The following DROSHA variants were observed in gnomAD, a reference collection of about 807,000 sequenced individuals.
DROSHA encodes the protein ribonuclease 3.
Under a neutral mutation model 181.9 loss-of-function variants are expected in DROSHA, and 56 were observed. That is an observed-to-expected ratio of 0.31 (90% CI 0.25 to 0.38). The LOEUF is 0.38. DROSHA is among the 10% of genes least tolerant of loss of function. DROSHA has a pLI of 1.00. For synonymous variants in DROSHA, 524 were observed against 591.2 expected (o/e 0.89, Z 1.65); for missense variants, 1,218 against 1,743.5 (o/e 0.70, Z 5.37).
At chr5:31,489,704 C>A (rs986922731) in intron 13 of DROSHA, among the ~76,000 whole-genome samples, 2 of 152,184 alleles carry the variant, frequency 1.3e-5, no homozygotes, top group Non-Finnish European at 2.9e-5. Context: ...ACTCTCCAAA[C>A]CTCCATCTTC....
At chr5:31,471,387 T>C (rs1027281371) in intron 17 of DROSHA, among the ~76,000 whole-genome samples, 1 of 152,116 alleles carries the variant, frequency 6.6e-6, no homozygotes, top group Non-Finnish European at 1.5e-5. Flanking sequence ...AACACTAATT[T>C]AGAAGAAAAA....
At chr5:31,507,163 TA>T (rs1258663547) in intron 10 of DROSHA, among the ~76,000 whole-genome samples, 1 of 151,094 alleles carries the variant, frequency 6.6e-6, no homozygotes, top group Middle Eastern at 3.2e-3. Context: ...AATAATTTTT[TA>T]AAACTACCTA....
In DROSHA at chr5:31,464,299, T is replaced by C; in HGVS notation, c.2511A>G (p.Glu837=). 1 of 1,613,500 alleles carries C rather than the reference T, an allele frequency of 6.2e-7. No homozygotes were observed. The highest frequency in any genetic ancestry group is 2.2e-5 in the East Asian group (1 of 44,864). The change falls in exon 20 of 36, where the codon GAA becomes GAG. Residue 837 remains glutamate (E), a synonymous_variant. Coordinates refer to ENST00000344624, the MANE Select transcript of DROSHA (RefSeq NM_001382508.1). Reference sequence around the variant, plus strand: ...CTTGGCTACTTAGCTCCACCGTTACTTCTCGTCTCATTGTATTCTTCTGCC... The same window carrying C: ...CTTGGCTACTTAGCTCCACCGTTACCTCTCGTCTCATTGTATTCTTCTGCC... ...KIRQKNTMRR[E]VTVELSSQGF... is the part of the protein sequence containing the mutation.
intron 19 of DROSHA, 79 bp downstream of exon 19, chr5:31,466,103 T>C (rs960837653): frequency 5.3e-5 from 74 of 1,398,910 alleles, no homozygotes; most frequent in Non-Finnish European, 7.2e-5. Context: ...GTACCAGAAG[T>C]ATAGTGTGAT....
intron 16 of DROSHA, among the ~76,000 whole-genome samples, chr5:31,474,633 G>C (rs1750151707): frequency 6.6e-6 from 1 of 152,122 alleles, no homozygotes; most frequent in African/African-American, 2.4e-5. Context: ...CAAAGTGCTG[G>C]GATTACAGTG....
At chr5:31,443,454 T>C (rs1173280373) in intron 23 of DROSHA, among the ~76,000 whole-genome samples, 1 of 152,284 alleles carries the variant, frequency 6.6e-6, no homozygotes, top group South Asian at 2.1e-4. Context: ...TTACTGATAA[T>C]ACGTCGATTA....
intron 16 of DROSHA, among the ~76,000 whole-genome samples, chr5:31,473,677 T>C (rs1176537021): frequency 1.3e-5 from 2 of 152,096 alleles, no homozygotes; most frequent in Non-Finnish European, 2.9e-5. Context: ...GAGTTGTATC[T>C]AAAAGGATGG....
At chr5:31,405,928 A>G (rs1740604016) in intron 34 of DROSHA, among the ~76,000 whole-genome samples, 1 of 152,094 alleles carries the variant, frequency 6.6e-6, no homozygotes, top group African/African-American at 2.4e-5. Context: ...CAGAAATGTC[A>G]TTGATTTGCA....
intron 26 of DROSHA, among the ~76,000 whole-genome samples, chr5:31,431,365 G>GAA (rs1744151540): frequency 2.5e-4 from 4 of 15,698 alleles, no homozygotes; most frequent in Admixed American, 9.5e-4. Context: ...GCAGTAGAAT[G>GAA]CAAAAAAAAA....
At chr5:31,527,900 A>C (rs1740788000) in intron 4 of DROSHA, among the ~76,000 whole-genome samples, 1 of 152,182 alleles carries the variant, frequency 6.6e-6, no homozygotes. Flanking sequence ...CTCTCCAATA[A>C]GTGACATGAT....
At chr5:31,454,804 G>A (rs1233201411) in intron 20 of DROSHA, among the ~76,000 whole-genome samples, 3 of 151,934 alleles carry the variant, frequency 2.0e-5, no homozygotes, top group African/African-American at 7.3e-5. Flanking sequence ...GCCGGGTGTG[G>A]TGATGGGCGC....
At chr5:31,498,908 T>C (rs77224254) in intron 11 of DROSHA, among the ~76,000 whole-genome samples, 1,519 of 151,362 alleles carry the variant, frequency 0.01, 24 homozygotes, top group African/African-American at 0.035. Flanking sequence ...AGAAGTGTGC[T>C]GTGACAGCAT....
chr5:31,490,103 T>G (rs921967656), intron 13 of DROSHA, among the ~76,000 whole-genome samples: 1 of 152,012 alleles, frequency 6.6e-6, no homozygotes, highest in African/African-American at 2.4e-5. Flanking sequence ...CTCAAACTCC[T>G]GACCTCAGGT....
At position 31,514,439 on chromosome 5, in the gene DROSHA, G is replaced by A. The variant is rs1035035474; in HGVS notation, c.1290+549C>T. Among the ~76,000 whole-genome samples the A allele has an allele frequency of 1.3e-5, 2 of 151,888 alleles. No individual in the cohort carries two copies. Among genetic ancestry groups the A allele is most frequent in the African/African-American group, 4.8e-5 (2 of 41,358 alleles). Reference sequence around the variant, plus strand: ...GAGGATTGCTTGAGCTCAGGAGTTCGAGACCAGAGTGGGCAACATAGTATG... The same window carrying A: ...GAGGATTGCTTGAGCTCAGGAGTTCAAGACCAGAGTGGGCAACATAGTATG... On this transcript the variant is annotated intron_variant, in intron 8 of 35. Coordinates refer to ENST00000344624, the MANE Select transcript of DROSHA (RefSeq NM_001382508.1). This position sits in a 1 kb window ranked among gnomAD's most constrained non-coding sequence, Gnocchi z 4.4.
At position 31,435,397 on chromosome 5, in the gene DROSHA, A is replaced by C. The variant is rs200253840; in HGVS notation, c.3042+368T>G. Among the ~76,000 whole-genome samples the C allele has an allele frequency of 1.4e-4, 21 of 152,354 alleles. No individual in the cohort carries two copies. In the East Asian group the frequency reaches 3.7e-3, roughly 27 times the overall value. On this transcript the variant is annotated intron_variant, in intron 25 of 35. Transcript: ENST00000344624. ...GCTATCATTTGGCTTGTTAATGTAA[A>C]TTAAAAACAAATGTACTACAGAAAT...
chr5:31,508,707 C>T lies in DROSHA; in HGVS notation c.1501G>A (p.Val501Ile). Residue 501 changes from valine (V) to isoleucine (I), a missense_variant, in exon 10 of 36, where the codon GTT (valine) becomes ATT (isoleucine). By Grantham distance (29) the Val-to-Ile change is conservative (BLOSUM62 3). Transcript: ENST00000344624. ...TTGATTTCTGCAATAACGTCAAAAA[C>T]TTCAGAGTCTGAGCTGCTAGAACAG... is the stretch of plus-strand genomic sequence containing the variant. ...STCSSSSDSE[V>I]FDVIAEIKRK... 2 of 1,613,950 alleles carry T rather than the reference C, an allele frequency of 1.2e-6. No homozygotes were observed. The highest frequency in any genetic ancestry group is 1.7e-6 in the Non-Finnish European group (2 of 1,179,882).
rs528486004 is a variant in DROSHA at position 31,510,005 on chromosome 5, T to C, written c.1432+1030A>G. On this transcript the variant is annotated intron_variant, in intron 9 of 35. Coordinates refer to ENST00000344624, the MANE Select transcript of DROSHA (RefSeq NM_001382508.1). ...CCCTATTGAACTGTACGCTTAAAAA[T>C]AGTTAAGATGGTAAATTTTGTATTA... Among the ~76,000 whole-genome samples, 4 of 138,466 alleles carry C rather than the reference T, an allele frequency of 2.9e-5. No homozygotes were observed. The East Asian group carries it at 6.2e-4, about 22-fold the overall frequency. The allele number at this position is 138,466 out of a possible 152,430, so 90.8% of individuals were successfully genotyped here.
chr5:31,526,803 G>A lies in DROSHA; in HGVS notation c.130C>T (p.Pro44Ser), dbSNP rs762973173. 3 of 1,612,136 alleles carry A rather than the reference G, an allele frequency of 1.9e-6. No individual in the cohort carries two copies. Among genetic ancestry groups the A allele is most frequent in the Non-Finnish European group, 2.5e-6 (3 of 1,179,434 alleles). The change falls in exon 5 of 36, where the codon CCT becomes TCT. Residue 44 changes from proline (P) to serine (S), a missense_variant. Around this residue, in one of 8 missense-constraint regions of DROSHA, gnomAD observed 536 missense variants for 535.4 expected, o/e 1.00. Coordinates refer to ENST00000344624, the MANE Select transcript of DROSHA (RefSeq NM_001382508.1). Reference protein sequence around the residue: ...FRPQNLRLLHPQQPPVQYQYE... With the variant: ...FRPQNLRLLHSQQPPVQYQYE... ...TGATATTGCACAGGAGGCTGCTGAG[G>A]GTGAAGCAGCCTCAGATTTTGGGGC... is the stretch of plus-strand genomic sequence containing the variant.
At chr5:31,523,548 A>C (rs1388207691) in intron 5 of DROSHA, among the ~76,000 whole-genome samples, 1 of 152,236 alleles carries the variant, frequency 6.6e-6, no homozygotes, top group Non-Finnish European at 1.5e-5. Context: ...ATACAACACT[A>C]TCTAGAATGT....
Sources: allele counts gnomAD v4.1 joint callset (sites outside exome capture counted in the v4.1 genomes callset), GRCh38; gene constraint gnomAD v4.1.1; regional missense constraint gnomAD v4.1.1; non-coding constraint Gnocchi (gnomAD v3.1); transcripts MANE v1.5; gene names NCBI Gene and HGNC (gene_info 2026-07-23, HGNC 2026-07-21).